Variants in RNASET2 observed in about 807,000 individuals in gnomAD.
The protein encoded by RNASET2 is ribonuclease 6.
RNASET2 carries 28 observed loss-of-function variants against 33.9 expected under a neutral mutation model. The observed-to-expected ratio is 0.83, with a 90% CI of 0.61 to 1.13. The LOEUF (loss-of-function observed/expected upper bound fraction) is 1.13. Ranked by LOEUF, RNASET2 falls within the 50% of genes most tolerant of loss-of-function variation. The pLI, the probability that RNASET2 is intolerant of heterozygous loss-of-function variation, is 0.00. For synonymous variants in RNASET2, 123 were observed against 121.0 expected (o/e 1.02, Z -0.11); for missense variants, 330 against 319.9 (o/e 1.03, Z -0.24).
intron 4 of RNASET2, chr6:166,943,767 A>AG (rs1186276340): frequency 2.1e-6 from 1 of 470,466 alleles, no homozygotes; most frequent in Non-Finnish European, 4.4e-6. Context: ...GGGAGAGTTG[A>AG]GGGGGAAGGG....
At chr6:166,946,509 G>A (rs192353881) in intron 4 of RNASET2, 173 bp downstream of exon 4, 15 of 634,656 alleles carry the variant, frequency 2.4e-5, no homozygotes, top group Non-Finnish European at 4.0e-5. Flanking sequence ...GTCAATTGGT[G>A]TAATTTGTGG....
At chr6:166,934,267 C>T (rs1583217027) in intron 6 of RNASET2, 131 bp from the exon 7 acceptor site, 1 of 704,594 alleles carries the variant, frequency 1.4e-6, no homozygotes, top group Admixed American at 2.1e-5. Flanking sequence ...TGACTTTATG[C>T]AACAAATGTG....
chr6:166,944,147 A>C (rs1778769417), intron 4 of RNASET2: 1 of 154,912 alleles, frequency 6.5e-6, no homozygotes, highest in African/African-American at 2.4e-5. Flanking sequence ...ACCATCAGTT[A>C]AAACAAACAA....
Position 166,925,129 on chromosome 6 carries a change from C to T in RNASET2, c.*4459G>A, listed in dbSNP as rs78200817. Among the ~76,000 whole-genome samples, 5,014 of 151,838 alleles carry T rather than the reference C, an allele frequency of 0.033. 124 individuals carry two copies. The highest frequency in any genetic ancestry group is 0.085 in the Middle Eastern group (25 of 294). ...CGGAACAGCACAGCCCTCACCTCTG[C>T]TGCCCAGGCCTCATCTACGCCATCC... is the stretch of plus-strand genomic sequence containing the variant. On this transcript the variant is annotated 3_prime_UTR_variant, in exon 9 of 9. Transcript: ENST00000508775.
Position 166,927,595 on chromosome 6 carries a change from C to G in RNASET2, c.*1993G>C, listed in dbSNP as rs553409015. Among the ~76,000 whole-genome samples the G allele has an allele frequency of 1.4e-4, 22 of 152,050 alleles. No individual in the cohort carries two copies. Among genetic ancestry groups the G allele is most frequent in the African/African-American group, 5.3e-4 (22 of 41,450 alleles). ...GCCTCTGAAGAGCTGCTTTCCTTGA[C>G]CCCCCAAGGCTATAAAATAAATGCA... On this transcript the variant is annotated 3_prime_UTR_variant, in exon 9 of 9. Transcript: ENST00000508775.
At chr6:166,930,603 T>C (rs1013753271) in intron 8 of RNASET2, among the ~76,000 whole-genome samples, 1 of 143,548 alleles carries the variant, frequency 7.0e-6, no homozygotes, top group East Asian at 2.2e-4. Flanking sequence ...CATGCACACA[T>C]GCATGTACAT....
intron 1 of RNASET2, 48 bp downstream of exon 1, chr6:166,956,049 T>C (rs1779156687): frequency 2.6e-6 from 4 of 1,515,996 alleles, no homozygotes; most frequent in Non-Finnish European, 2.7e-6. Context: ...TGGAAAGCTC[T>C]AGGGCCCGGC....
chr6:166,940,653 C>G (rs1440720842), intron 5 of RNASET2, among the ~76,000 whole-genome samples: 1 of 152,112 alleles, frequency 6.6e-6, no homozygotes, highest in African/African-American at 2.4e-5. Flanking sequence ...CATCATTATT[C>G]CTGGAGCAAG....
intron 3 of RNASET2, among the ~76,000 whole-genome samples, chr6:166,948,074 A>G (rs1399765283): frequency 1.3e-5 from 2 of 152,190 alleles, no homozygotes; most frequent in African/African-American, 4.8e-5. Context: ...GGCTGGGCAC[A>G]GTGGCTCACA....
intron 1 of RNASET2, among the ~76,000 whole-genome samples, chr6:166,955,329 ACGCACGCACACGCACACG>A (rs1562507386): frequency 1.2e-5 from 1 of 84,100 alleles, no homozygotes; most frequent in East Asian, 6.5e-4. Context: ...ACACACACGC[ACGCACGCACACGCACACG>A]CACGCACACA....
intron 5 of RNASET2, among the ~76,000 whole-genome samples, chr6:166,941,802 A>G (rs540673975): frequency 1.3e-5 from 2 of 152,364 alleles, no homozygotes; most frequent in African/African-American, 4.8e-5. Context: ...ATAAATTGCA[A>G]TATTGAAGTG....
chr6:166,948,018 T>C (rs149528685), intron 3 of RNASET2, among the ~76,000 whole-genome samples: 42 of 152,282 alleles, frequency 2.8e-4, no homozygotes, highest in African/African-American at 9.9e-4. Context: ...GTAGTGACCC[T>C]GACATGTACC....
intron 2 of RNASET2, among the ~76,000 whole-genome samples, chr6:166,949,146 C>T (rs1778919710): frequency 1.4e-5 from 2 of 138,490 alleles, no homozygotes; most frequent in South Asian, 2.3e-4. Flanking sequence ...CTCAGTGAGC[C>T]GAGATCATGC....
chr6:166,930,578 T>C (rs1386816959), intron 8 of RNASET2, among the ~76,000 whole-genome samples: 1 of 145,708 alleles, frequency 6.9e-6, no homozygotes, highest in African/African-American at 2.6e-5. Flanking sequence ...TGCACACACA[T>C]GCACACACAC....
At chr6:166,936,133 C>G (rs1778559891) in intron 6 of RNASET2, among the ~76,000 whole-genome samples, 1 of 152,178 alleles carries the variant, frequency 6.6e-6, no homozygotes, top group East Asian at 1.9e-4. Context: ...CTTGGAGAAA[C>G]TAAGAATATA....
At position 166,927,713 on chromosome 6, in the gene RNASET2, C is replaced by CAAAAAAAAAAAAAAAAAAA. The variant is rs58837223; in HGVS notation, c.*1856_*1874dup. ...TGATCCCTGTGTTCGCAAAATGACT[C>CAAAAAAAAAAAAAAAAAAA]AAAAAAAAAAAAAAAAAAAAAAAGA... is the stretch of plus-strand genomic sequence containing the variant. On this transcript the variant is annotated 3_prime_UTR_variant, in exon 9 of 9. Coordinates refer to ENST00000508775, the MANE Select transcript of RNASET2 (RefSeq NM_003730.6). Among the ~76,000 whole-genome samples, 6 of 47,342 alleles carry CAAAAAAAAAAAAAAAAAAA rather than the reference C, an allele frequency of 1.3e-4. No homozygotes were observed. The highest frequency in any genetic ancestry group is 2.6e-4 in the African/African-American group (3 of 11,666). The allele number at this position is 47,342 out of a possible 152,430, so 31.1% of individuals were successfully genotyped here.
At chr6:166,953,911 G>T (rs1779046421) in intron 1 of RNASET2, among the ~76,000 whole-genome samples, 1 of 150,216 alleles carries the variant, frequency 6.7e-6, no homozygotes, top group South Asian at 2.1e-4. Flanking sequence ...GCTGCAGGGT[G>T]AGAATTGGAG....
At chr6:166,942,986 T>C in intron 5 of RNASET2, 33 bp downstream of exon 5, 1 of 1,580,462 alleles carries the variant, frequency 6.3e-7, no homozygotes, top group Non-Finnish European at 8.7e-7. Flanking sequence ...GCTCAGACAG[T>C]AATCAAGACA....
At position 166,922,816 on chromosome 6, in the gene RNASET2, G is replaced by C. The variant is rs1002822197; in HGVS notation, c.*6772C>G. On this transcript the variant is annotated 3_prime_UTR_variant, in exon 9 of 9. Transcript: ENST00000508775. ...GCCCACATCTCAGGGTGCAGTCCAAGACATATGGTCATCAAGACAGAAGAG... is the reference window on the plus strand; with the variant it reads ...GCCCACATCTCAGGGTGCAGTCCAACACATATGGTCATCAAGACAGAAGAG... Among the ~76,000 whole-genome samples, 1 of 152,192 alleles carries C rather than the reference G, an allele frequency of 6.6e-6. No homozygotes were observed. The highest frequency in any genetic ancestry group is 1.5e-5 in the Non-Finnish European group (1 of 68,040).
Sources: gnomAD v4.1 joint callset for allele counts (sites outside exome capture counted in the v4.1 genomes callset) on GRCh38, gnomAD v4.1.1 for gene constraint, MANE v1.5 for transcripts, NCBI Gene and HGNC (gene_info 2026-07-23, HGNC 2026-07-21) for gene names.